The following YWHAZ variants were observed in gnomAD, a reference collection of about 807,000 sequenced individuals.
YWHAZ encodes the protein 14-3-3 protein zeta/delta.
For synonymous variants in YWHAZ, 87 were observed against 103.6 expected (o/e 0.84, Z 0.97); for missense variants, 79 against 284.8 (o/e 0.28, Z 5.20).
chr8:100,921,727 C>T (rs1813039830), intron 5 of YWHAZ, among the ~76,000 whole-genome samples: 1 of 152,154 alleles, frequency 6.6e-6, no homozygotes. Context: ...GGACAAAAAC[C>T]AGAACCAAAT....
intron 2 of YWHAZ, chr8:100,935,105 C>T (rs1050270503): frequency 2.0e-5 from 3 of 151,942 alleles, no homozygotes; most frequent in African/African-American, 4.8e-5. Flanking sequence ...TGCAGTGAGC[C>T]GACATTGTGC....
Position 100,917,072 on chromosome 8 carries a change from T to G in YWHAZ, c.*3621A>C, listed in dbSNP as rs901500208. 6.6e-6 allele frequency: 1 copy of G among 151,988 alleles called. No homozygotes were observed. The highest frequency in any genetic ancestry group is 1.5e-5 in the Non-Finnish European group (1 of 68,026). 9.4% of individuals were successfully genotyped at this position (151,988 alleles called of 1,614,324 possible). On this transcript the variant is annotated 3_prime_UTR_variant, in exon 6 of 6. Coordinates refer to ENST00000395958, the MANE Select transcript of YWHAZ (RefSeq NM_145690.3). ...GAATGTGTAAGACCATCATTGAGCATAGAGCACCAGTTTTCAAAGTCAAAG... is the reference window on the plus strand; with the variant it reads ...GAATGTGTAAGACCATCATTGAGCAGAGAGCACCAGTTTTCAAAGTCAAAG...
intron 2 of YWHAZ, among the ~76,000 whole-genome samples, chr8:100,946,266 T>G (rs1248254129): frequency 6.6e-6 from 1 of 152,172 alleles, no homozygotes; most frequent in East Asian, 1.9e-4. Context: ...GGGCTGGACG[T>G]GGTGGCTCAC....
In YWHAZ at chr8:100,918,633, T is replaced by C. The variant is rs1812822476; in HGVS notation, c.*2060A>G. On this transcript the variant is annotated 3_prime_UTR_variant, in exon 6 of 6. Transcript: ENST00000395958. ...TGGGACAATTATTCAAAAGGGCCAA[T>C]ATTTCCCAATTTAATCTGAGGTCAT... 1 of 151,644 alleles carries C rather than the reference T, an allele frequency of 6.6e-6. No individual in the cohort carries two copies. The highest frequency in any genetic ancestry group is 1.5e-5 in the Non-Finnish European group (1 of 67,924). 9.4% of individuals were successfully genotyped at this position (151,644 alleles called of 1,614,324 possible).
chr8:100,950,492 A>C (rs1328298703), intron 1 of YWHAZ: 2 of 983,614 alleles, frequency 2.0e-6, no homozygotes, highest in African/African-American at 3.5e-5. Flanking sequence ...TATCGCAACC[A>C]CCCCCCTCCA....
At chr8:100,949,718 A>AG (rs1316873044) in intron 1 of YWHAZ, among the ~76,000 whole-genome samples, 1 of 152,242 alleles carries the variant, frequency 6.6e-6, no homozygotes, top group Non-Finnish European at 1.5e-5. Context: ...GTTGAAATGC[A>AG]GAAGTGCTGC....
Position 100,922,889 on chromosome 8 carries a change from T to G in YWHAZ, c.678+1066A>C, listed in dbSNP as rs892872587. 1.3e-5 allele frequency: 2 copies of G among 152,240 alleles called. No homozygotes were observed. Among genetic ancestry groups the G allele is most frequent in the African/African-American group, 2.4e-5 (1 of 41,468 alleles). 9.4% of individuals were successfully genotyped at this position (152,240 alleles called of 1,614,324 possible). On this transcript the variant is annotated intron_variant, in intron 5 of 5. Transcript: ENST00000395958. This position sits in a 1 kb window ranked among gnomAD's most constrained non-coding sequence, Gnocchi z 4.1. ...TACTAAAGTTAGTTAACAAAGTGCT[T>G]CTTATGTTTGATATATAAGATTCTT...
chr8:100,929,820 G>C (rs1221258559), intron 2 of YWHAZ, among the ~76,000 whole-genome samples: 2 of 151,964 alleles, frequency 1.3e-5, no homozygotes, highest in Admixed American at 6.6e-5. Flanking sequence ...AGAAAAAAAT[G>C]AATAAAAGAA....
chr8:100,951,140 G>A (rs955548621), intron 1 of YWHAZ: 8 of 983,918 alleles, frequency 8.1e-6, no homozygotes, highest in South Asian at 9.4e-5. Context: ...CGGAGCCCAG[G>A]AAATTCAGCT....
At position 100,920,481 on chromosome 8, in the gene YWHAZ, T is replaced by A. The variant is rs1812930030; in HGVS notation, c.*212A>T. 2 of 577,272 alleles carry A rather than the reference T, an allele frequency of 3.5e-6. No homozygotes were observed. The highest frequency in any genetic ancestry group is 3.0e-5 in the East Asian group (1 of 33,442). The allele number at this position is 577,272 out of a possible 1,614,324, so 35.8% of individuals were successfully genotyped here. A position where few individuals can be genotyped will look rare whatever the true frequency, so the allele number is the denominator to read the frequency against. On this transcript the variant is annotated 3_prime_UTR_variant, in exon 6 of 6. Coordinates refer to ENST00000395958, the MANE Select transcript of YWHAZ (RefSeq NM_145690.3). ...ATTCCACATCCCCATATTGGCCACCTCAAGATGAAAACAGATAACTCCCTA... is the reference window on the plus strand; with the variant it reads ...ATTCCACATCCCCATATTGGCCACCACAAGATGAAAACAGATAACTCCCTA...
At chr8:100,930,605 T>C (rs1345273755) in intron 2 of YWHAZ, among the ~76,000 whole-genome samples, 2 of 152,246 alleles carry the variant, frequency 1.3e-5, no homozygotes, top group African/African-American at 2.4e-5. Flanking sequence ...AAATCCACAG[T>C]ATTTCCTCAG....
chr8:100,951,313 G>A, intron 1 of YWHAZ: 1 of 984,528 alleles, frequency 1.0e-6, no homozygotes, highest in Non-Finnish European at 1.2e-6. Flanking sequence ...GGTCCCCGAG[G>A]CCCCCGGCCC....
upstream of YWHAZ, chr8:100,952,102 C>T: frequency 1.0e-6 from 1 of 986,914 alleles, no homozygotes; most frequent in Non-Finnish European, 1.2e-6. Flanking sequence ...AGCAGGGGCA[C>T]CACACGCACG....
chr8:100,925,513 G>A (rs1044660247), intron 2 of YWHAZ, among the ~76,000 whole-genome samples: 1 of 152,122 alleles, frequency 6.6e-6, no homozygotes, highest in Non-Finnish European at 1.5e-5. Context: ...GCCAGAGAAG[G>A]AGGAACAAAA....
intron 5 of YWHAZ, chr8:100,923,195 G>A (rs958576164): frequency 2.0e-5 from 3 of 152,122 alleles, no homozygotes; most frequent in African/African-American, 7.2e-5. Context: ...CCTAGATTAT[G>A]ATCTGCAATT....
intron 2 of YWHAZ, among the ~76,000 whole-genome samples, chr8:100,944,067 AT>A (rs1300638339): frequency 9.2e-5 from 14 of 152,244 alleles, no homozygotes; most frequent in Non-Finnish European, 1.6e-4. Flanking sequence ...AACTGGGATT[AT>A]TTATACTTTG....
chr8:100,951,248 C>A, intron 1 of YWHAZ: 1 of 985,104 alleles, frequency 1.0e-6, no homozygotes, highest in Non-Finnish European at 1.2e-6. Flanking sequence ...GCGGGCGCCG[C>A]CGCGCCAGGC....
At chr8:100,952,030 C>A (rs993298553), upstream of YWHAZ, 3 of 993,730 alleles carry the variant, frequency 3.0e-6, no homozygotes, top group Non-Finnish European at 3.6e-6. Context: ...CCCTGGATCT[C>A]GCTGCTCACA....
chr8:100,948,964 T>C lies in YWHAZ; in HGVS notation c.-11-64A>G, dbSNP rs1810506434. On this transcript the variant is annotated intron_variant, in intron 1 of 5. Coordinates refer to ENST00000395958, the MANE Select transcript of YWHAZ (RefSeq NM_145690.3). This position sits in a 1 kb window ranked among gnomAD's most constrained non-coding sequence, Gnocchi z 4.2. ...ATCAAAATAAACAGACTCAAAATTATACCTGTGGTAAATGAGTTTTTTAAA... is the reference window on the plus strand; with the variant it reads ...ATCAAAATAAACAGACTCAAAATTACACCTGTGGTAAATGAGTTTTTTAAA... 13 of 1,499,624 alleles carry C rather than the reference T, an allele frequency of 8.7e-6. No individual in the cohort carries two copies. The South Asian group carries it at 1.6e-4, about 18-fold the overall frequency. 92.9% of individuals were successfully genotyped at this position (1,499,624 alleles called of 1,614,324 possible). A position where few individuals can be genotyped will look rare whatever the true frequency, so the allele number is the denominator to read the frequency against.
Sources: gnomAD v4.1 joint callset for allele counts (sites outside exome capture counted in the v4.1 genomes callset) on GRCh38, gnomAD v4.1.1 for gene constraint, Gnocchi (gnomAD v3.1) non-coding constraint, MANE v1.5 for transcripts, NCBI Gene and HGNC (gene_info 2026-07-23, HGNC 2026-07-21) for gene names.